VIL1: variants seen among roughly 807,000 people sequenced by gnomAD.
VIL1 encodes the protein villin 1.
A neutral mutation model predicts 104.0 loss-of-function variants in VIL1; 86 were observed. The ratio of observed to expected loss-of-function variants is 0.83; its 90% CI spans 0.69 to 0.99. The LOEUF (loss-of-function observed/expected upper bound fraction) is 0.99. Among genes scored for constraint, VIL1 ranks in the 50% least tolerant of loss-of-function variants. The probability of loss-of-function intolerance (pLI) is 0.00; values close to 1 mark genes in which losing one functional copy is unlikely to be tolerated. For missense variants in VIL1, 944 were observed against 1,054.1 expected, an observed-to-expected ratio of 0.90 and a Z score of 1.45; for synonymous variants, 394 against 412.6, an observed-to-expected ratio of 0.95 and a Z score of 0.55.
At chr2:218,432,732 A>G in intron 12 of VIL1, 61 bp from the exon 13 acceptor site, 2 of 1,600,354 alleles carry the variant, frequency 1.2e-6, no homozygotes, top group Non-Finnish European at 1.7e-6. Flanking sequence ...GCTGAGGCTG[A>G]GGATGGGGTC....
intron 1 of VIL1, among the ~76,000 whole-genome samples, chr2:218,420,542 A>G (rs1688884514): frequency 6.7e-6 from 1 of 150,278 alleles, no homozygotes. Context: ...TCCTCCTTCC[A>G]TCCCACAGTT....
At chr2:218,438,829 CCCT>C in intron 18 of VIL1, 103 bp downstream of exon 18, 1 of 934,942 alleles carries the variant, frequency 1.1e-6, no homozygotes, top group Non-Finnish European at 1.6e-6. Flanking sequence ...CCTGTGCTTT[CCCT>C]CCTATTTCTC....
intron 17 of VIL1, 56 bp downstream of exon 17, chr2:218,437,368 G>C: frequency 6.3e-7 from 1 of 1,574,856 alleles, no homozygotes; most frequent in Non-Finnish European, 8.7e-7. Flanking sequence ...GATCAGTGCT[G>C]ATTCCTGCAG....
Position 218,432,884 on chromosome 2 carries a change from G to A in VIL1, c.1433G>A (p.Arg478Gln), listed in dbSNP as rs754245517. 8.1e-6 allele frequency: 13 copies of A among 1,614,040 alleles called. No individual in the cohort carries two copies. The highest frequency in any genetic ancestry group is 2.2e-5 in the South Asian group (2 of 91,084). Residue 478 changes from arginine (R) to glutamine (Q), a missense_variant, in exon 13 of 20, where the codon CGG (arginine) becomes CAG (glutamine). Arg to Gln is a conservative substitution (Grantham distance 43). Transcript: ENST00000248444. ...QKYNGEPVQI[R>Q]VPMGKEPPHL... ...TACAATGGTGAACCAGTCCAGATCC[G>A]GGTCCCAATGGGCAAGGAGCCACCT...
Position 218,453,233 on chromosome 2 carries a change from G to C in VIL1, c.*3897G>C, listed in dbSNP as rs1689537136. 6.6e-6 allele frequency: 1 copy of C among 151,772 alleles called. No homozygotes were observed. The highest frequency in any genetic ancestry group is 2.1e-4 in the South Asian group (1 of 4,802). The allele number at this position is 151,772 out of a possible 1,614,324, so 9.4% of individuals were successfully genotyped here. On this transcript the variant is annotated 3_prime_UTR_variant, in exon 20 of 20. Transcript: ENST00000248444. ...TTTCAGAAAAGATGTTGCATCTTCT[G>C]TGATGATGGTTTGTGTTTTTTTTGT...
chr2:218,446,353 G>A (rs911145283), intron 19 of VIL1, among the ~76,000 whole-genome samples: 1 of 152,130 alleles, frequency 6.6e-6, no homozygotes. Flanking sequence ...TCCTGCCTCA[G>A]GCTCCCGAGT....
At chr2:218,424,230 G>A (rs780481446) in intron 2 of VIL1, 47 bp from the exon 3 acceptor site, 4 of 1,576,668 alleles carry the variant, frequency 2.5e-6, no homozygotes, top group Non-Finnish European at 3.5e-6. Context: ...AGGCCTAGGG[G>A]TCCTGGTGGT....
intron 12 of VIL1, 152 bp downstream of exon 12, chr2:218,432,335 C>A: frequency 8.2e-7 from 1 of 1,225,778 alleles, no homozygotes; most frequent in Non-Finnish European, 1.1e-6. Context: ...TGAGGTCCCG[C>A]TAGTACCCCC....
At chr2:218,436,739 T>C in intron 16 of VIL1, 113 bp downstream of exon 16, 1 of 1,354,944 alleles carries the variant, frequency 7.4e-7, no homozygotes, top group Non-Finnish European at 1.0e-6. Flanking sequence ...CTTACATAAT[T>C]TCTCCCTGGA....
rs549049769 is a variant in VIL1, at chr2:218,439,710, A to G, written c.2229+984A>G. 1.5e-4 allele frequency among the ~76,000 whole-genome samples: 23 copies of G among 150,356 alleles called. No individual in the cohort carries two copies. In the South Asian group the frequency reaches 3.0e-3, roughly 20 times the overall value. On this transcript the variant is annotated intron_variant, in intron 18 of 19. Coordinates refer to ENST00000248444, the MANE Select transcript of VIL1 (RefSeq NM_007127.3). The stretch of plus-strand genomic sequence containing the variant: ...TGCGTGCTTGTGGTCCCAGCTACTC[A>G]GGAGGCTGAGGTGGGAGGTTGGTTT...
rs1689172344 is a variant in VIL1, at chr2:218,435,419, A to C, written c.1811A>C (p.Tyr604Ser). 1.9e-6 allele frequency: 3 copies of C among 1,613,806 alleles called. No homozygotes were observed. In the African/African-American group the frequency reaches 4.0e-5, roughly 22 times the overall value. The change falls in exon 15 of 20, where the codon TAT becomes TCT. Residue 604 changes from tyrosine (Y) to serine (S), a missense_variant. Physicochemically the swap from Tyr to Ser is moderately radical, Grantham distance 144. Transcript: ENST00000248444. Reference protein sequence around the residue: ...FWMALGGKAPYANTKRLQEEN... With the variant: ...FWMALGGKAPSANTKRLQEEN... ...ATGGCCCTGGGTGGGAAGGCCCCCT[A>C]TGCCAACACCAAGAGGTAACTCTCA...
chr2:218,451,141 G>T lies in VIL1; in HGVS notation c.*1805G>T, dbSNP rs1689467166. On this transcript the variant is annotated 3_prime_UTR_variant, in exon 20 of 20. Coordinates refer to ENST00000248444, the MANE Select transcript of VIL1 (RefSeq NM_007127.3). The stretch of plus-strand genomic sequence containing the variant: ...GGATTTTGAAGTAATGCAATAAAAA[G>T]ATGTTGGAGGGCAGAAGTCTATTTA... 1 of 152,144 alleles carries T rather than the reference G, an allele frequency of 6.6e-6. No homozygotes were observed. 9.4% of individuals were successfully genotyped at this position (152,144 alleles called of 1,614,324 possible).
intron 1 of VIL1, among the ~76,000 whole-genome samples, chr2:218,419,818 T>A (rs1411296597): frequency 6.6e-6 from 1 of 152,168 alleles, no homozygotes; most frequent in Non-Finnish European, 1.5e-5. Flanking sequence ...CCCCAGCCAC[T>A]GTGGGCCCAT....
In VIL1 at chr2:218,429,466, A is replaced by C. The variant is rs141545095; in HGVS notation, c.749A>C (p.Lys250Thr). 1,807 of 1,613,982 alleles carry C rather than the reference A, an allele frequency of 1.1e-3. 22 individuals carry two copies. The African/African-American group carries it at 0.02, about 18-fold the overall frequency. The change falls in exon 7 of 20, where the codon AAG becomes ACG. Residue 250 changes from lysine to threonine, a missense_variant. Coordinates refer to ENST00000248444, the MANE Select transcript of VIL1 (RefSeq NM_007127.3). Reference sequence around the variant, plus strand: ...GACACGGTGGTGGAGCCGGCACTCAAGGCTGCACTCAAACTGTACCAGTGA... The same window carrying C: ...GACACGGTGGTGGAGCCGGCACTCACGGCTGCACTCAAACTGTACCAGTGA... The part of the protein sequence containing the change: ...VPDTVVEPAL[K>T]AALKLYHVSD...
chr2:218,424,246 G>A (rs755015869), intron 2 of VIL1, 31 bp from the exon 3 acceptor site: 3 of 1,608,006 alleles, frequency 1.9e-6, no homozygotes, highest in East Asian at 2.2e-5. Context: ...GTGGTCCAGG[G>A]CAGCCCCTCT....
chr2:218,446,288 G>A (rs1176725202), intron 19 of VIL1, among the ~76,000 whole-genome samples: 1 of 152,072 alleles, frequency 6.6e-6, no homozygotes, highest in Non-Finnish European at 1.5e-5. Flanking sequence ...AAGCTGGAGT[G>A]CAGTGCCATC....
chr2:218,440,132 A>C (rs1400637137), intron 18 of VIL1, among the ~76,000 whole-genome samples: 1 of 152,238 alleles, frequency 6.6e-6, no homozygotes, highest in African/African-American at 2.4e-5. Flanking sequence ...ATTTCACAAC[A>C]GATAAGAGAG....
chr2:218,422,791 C>T (rs763254119), intron 1 of VIL1, among the ~76,000 whole-genome samples: 1 of 152,188 alleles, frequency 6.6e-6, no homozygotes, highest in Non-Finnish European at 1.5e-5. Context: ...GAGGGCAGCT[C>T]TCTGCCAGGC....
Position 218,440,848 on chromosome 2 carries a change from C to G in VIL1, c.2356C>G (p.Pro786Ala), listed in dbSNP as rs1689273606. Residue 786 changes from proline to alanine, a missense_variant, in exon 19 of 20, where the codon CCC becomes GCC. Physicochemically the swap from Pro to Ala is conservative, Grantham distance 27 (BLOSUM62 -1). Coordinates refer to ENST00000248444, the MANE Select transcript of VIL1 (RefSeq NM_007127.3). ...AGAGGAGCTCCCCGAGGGTGTGGAC[C>G]CCAGCAGGAAGGAGGTAGGTCAGAT... ...PVEELPEGVD[P>A]SRKEEHLSIE... 1 of 1,613,908 alleles carries G rather than the reference C, an allele frequency of 6.2e-7. No homozygotes were observed.
Sources: gnomAD v4.1 joint callset for allele counts (sites outside exome capture counted in the v4.1 genomes callset) on GRCh38, gnomAD v4.1.1 for gene constraint, MANE v1.5 for transcripts, NCBI Gene and HGNC (gene_info 2026-07-23, HGNC 2026-07-21) for gene names.